Variants in BCLAF1 observed in about 807,000 individuals in gnomAD.
BCLAF1 encodes bcl-2-associated transcription factor 1.
In BCLAF1, 10 loss-of-function variants were observed where a neutral mutation model predicts 99.5. The ratio of observed to expected loss-of-function variants is 0.10; its 90% CI spans 0.06 to 0.17. The LOEUF is 0.17. Ranked by LOEUF, BCLAF1 falls within the 10% of genes least tolerant of loss-of-function variation. The pLI is 1.00. For synonymous variants in BCLAF1, 255 were observed against 370.9 expected, an observed-to-expected ratio of 0.69 and a Z score of 3.59; for missense variants, 636 against 1,105.8, an observed-to-expected ratio of 0.58 and a Z score of 6.02.
intron 1 of BCLAF1, among the ~76,000 whole-genome samples, chr6:136,284,474 C>T (rs574608885): frequency 1.3e-5 from 2 of 151,948 alleles, no homozygotes; most frequent in Admixed American, 6.6e-5. Context: ...GTAAGTGGTC[C>T]CTGCCTTCCA....
intron 1 of BCLAF1, among the ~76,000 whole-genome samples, chr6:136,288,689 G>A (rs2128495928): frequency 6.6e-6 from 1 of 152,328 alleles, no homozygotes; most frequent in South Asian, 2.1e-4. Flanking sequence ...GTCTGAGGTA[G>A]CAAAGTAGCT....
chr6:136,280,008 A>C (rs1784157919), intron 2 of BCLAF1, 132 bp from the exon 3 acceptor site: 2 of 1,095,500 alleles, frequency 1.8e-6, no homozygotes, highest in East Asian at 6.2e-5. Context: ...ATCCTTTTCA[A>C]ATCAGTATTC....
chr6:136,267,077 T>C lies in BCLAF1; in HGVS notation c.2496A>G (p.Glu832=). The part of the protein sequence containing the change: ...SNTTFQKRPK[E]EEWDPEYTPK... ...GGGTATATTCTGGATCCCATTCCTC[T>C]TCCTTCGGTCTCTTTTGAAAAGTAG... Residue 832 remains glutamate, a synonymous_variant, in exon 11 of 13, where the codon GAA becomes GAG. Coordinates refer to ENST00000531224, the MANE Select transcript of BCLAF1 (RefSeq NM_014739.3). 2 of 1,613,322 alleles carry C rather than the reference T, an allele frequency of 1.2e-6. No individual in the cohort carries two copies. Among genetic ancestry groups the C allele is most frequent in the Non-Finnish European group, 1.7e-6 (2 of 1,179,432 alleles).
chr6:136,276,949 C>A (rs911723477), intron 4 of BCLAF1, among the ~76,000 whole-genome samples: 1 of 152,144 alleles, frequency 6.6e-6, no homozygotes, highest in Non-Finnish European at 1.5e-5. Context: ...ATTACCACTG[C>A]AGTAATTTAA....
intron 1 of BCLAF1, among the ~76,000 whole-genome samples, chr6:136,288,268 A>G (rs772629317): frequency 6.6e-6 from 1 of 152,214 alleles, no homozygotes; most frequent in Non-Finnish European, 1.5e-5. Flanking sequence ...TACCTTTTTT[A>G]AGTGACAAGG....
Position 136,268,235 on chromosome 6 carries a change from T to C in BCLAF1, c.2324A>G (p.Glu775Gly), listed in dbSNP as rs1347361743. Reference protein sequence around the residue: ...EEKESKKEREEEFKTHHEMKE... With the variant: ...EEKESKKEREGEFKTHHEMKE... The stretch of plus-strand genomic sequence containing the variant: ...CATTTCATGGTGAGTTTTAAATTCT[T>C]CTTCTCTTTCCTTCTTACTCTCCTT... The change falls in exon 10 of 13, where the codon GAA (glutamate) becomes GGA (glycine). Residue 775 changes from glutamate to glycine, a missense_variant. Around this residue, in one of 9 missense-constraint regions of BCLAF1, gnomAD observed 180 missense variants for 270.0 expected, o/e 0.67. Coordinates refer to ENST00000531224, the MANE Select transcript of BCLAF1 (RefSeq NM_014739.3). 1.3e-6 allele frequency: 2 copies of C among 1,588,708 alleles called. No homozygotes were observed. The highest frequency in any genetic ancestry group is 1.2e-5 in the South Asian group (1 of 86,776).
In BCLAF1 at chr6:136,272,099, T is replaced by A; in HGVS notation, c.1959-20A>T. On this transcript the variant is annotated intron_variant, in intron 7 of 12. Coordinates refer to ENST00000531224, the MANE Select transcript of BCLAF1 (RefSeq NM_014739.3). Reference sequence around the variant, plus strand: ...ATTCTCCTTAATGTAAAATAAAATATATTTTTAGTCATATTATTAACTTTT... The same window carrying A: ...ATTCTCCTTAATGTAAAATAAAATAAATTTTTAGTCATATTATTAACTTTT... 6.6e-7 allele frequency: 1 copy of A among 1,510,330 alleles called. No homozygotes were observed. Among genetic ancestry groups the A allele is most frequent in the Non-Finnish European group, 9.0e-7 (1 of 1,107,022 alleles). 93.6% of individuals were successfully genotyped at this position (1,510,330 alleles called of 1,614,324 possible). A position where few individuals can be genotyped will look rare whatever the true frequency, so the allele number is the denominator to read the frequency against.
At chr6:136,277,638 C>T (rs370742066) in intron 4 of BCLAF1, among the ~76,000 whole-genome samples, 13 of 152,186 alleles carry the variant, frequency 8.5e-5, no homozygotes, top group African/African-American at 2.9e-4. Context: ...GAGATCCTCC[C>T]GCCTCAGCCT....
At chr6:136,273,968 A>G in intron 6 of BCLAF1, 5 of 1,202,976 alleles carry the variant, frequency 4.2e-6, no homozygotes, top group Non-Finnish European at 5.3e-6. Context: ...CTTACCGCCC[A>G]ATATCCAGCA....
At chr6:136,288,463 C>CAGTAT (rs1785464018) in intron 1 of BCLAF1, among the ~76,000 whole-genome samples, 1 of 152,206 alleles carries the variant, frequency 6.6e-6, no homozygotes, top group African/African-American at 2.4e-5. Flanking sequence ...ACTGCCTGAA[C>CAGTAT]AGTATCCTAA....
chr6:136,264,016 C>A (rs560479748), intron 11 of BCLAF1, among the ~76,000 whole-genome samples: 80 of 152,226 alleles, frequency 5.3e-4, no homozygotes, highest in Non-Finnish European at 9.6e-4. Context: ...ATGCATAAAT[C>A]CTGACCCCAT....
At chr6:136,284,456 G>C (rs951775003) in intron 1 of BCLAF1, among the ~76,000 whole-genome samples, 20 of 152,098 alleles carry the variant, frequency 1.3e-4, no homozygotes, top group South Asian at 2.1e-4. Flanking sequence ...TATAGGAAAT[G>C]TATCTATGTA....
rs1217532137 is a variant in BCLAF1, at chr6:136,276,327, C to T, written c.1198G>A (p.Asp400Asn). 1.3e-5 allele frequency: 20 copies of T among 1,565,702 alleles called. No individual in the cohort carries two copies. Among genetic ancestry groups the T allele is most frequent in the Non-Finnish European group, 1.7e-5 (20 of 1,158,258 alleles). ...GKQKFNDSEG[D>N]DTEETEDYRQ... ...TAATCCTCTGTCTCCTCTGTGTCAT[C>T]CCCTTCTGAATCATTAAACTTTTGT... Residue 400 changes from aspartate (D) to asparagine (N), a missense_variant, in exon 5 of 13, where the codon GAT becomes AAT. This residue lies in a region of BCLAF1 where 186 missense variants were observed against 275.3 expected (regional missense o/e 0.68). Coordinates refer to ENST00000531224, the MANE Select transcript of BCLAF1 (RefSeq NM_014739.3).
At chr6:136,274,761 AC>A (rs1267240998) in intron 6 of BCLAF1, among the ~76,000 whole-genome samples, 1 of 151,994 alleles carries the variant, frequency 6.6e-6, no homozygotes, top group Non-Finnish European at 1.5e-5. Context: ...CAAAAACAAA[AC>A]TTAACCTAAC....
Position 136,261,416 on chromosome 6 carries a change from A to G in BCLAF1, c.2606T>C (p.Phe869Ser). 1 of 1,613,854 alleles carries G rather than the reference A, an allele frequency of 6.2e-7. No individual in the cohort carries two copies. The highest frequency in any genetic ancestry group is 8.5e-7 in the Non-Finnish European group (1 of 1,179,874). Reference protein sequence around the residue: ...WAKRGRGRGTFQRGRGRFNFK... With the variant: ...WAKRGRGRGTSQRGRGRFNFK... Reference sequence around the variant, plus strand: ...GTTAAAGCGCCCTCTGCCACGTTGAAAAGTACCACGACCTCTTCCTCTTTT... The same window carrying G: ...GTTAAAGCGCCCTCTGCCACGTTGAGAAGTACCACGACCTCTTCCTCTTTT... The change falls in exon 12 of 13, where the codon TTT becomes TCT. Residue 869 changes from phenylalanine to serine, a missense_variant. Phe to Ser is a radical substitution (Grantham distance 155). Around this residue, in one of 9 missense-constraint regions of BCLAF1, gnomAD observed 57 missense variants for 116.7 expected, o/e 0.49. Transcript: ENST00000531224.
intron 9 of BCLAF1, 178 bp downstream of exon 9, chr6:136,269,259 T>C: frequency 6.6e-7 from 1 of 1,508,932 alleles, no homozygotes; most frequent in Non-Finnish European, 8.8e-7. Flanking sequence ...CCAAAGTTTT[T>C]GTCCTCATCC....
At chr6:136,266,333 A>G (rs1781711690) in intron 11 of BCLAF1, among the ~76,000 whole-genome samples, 1 of 152,150 alleles carries the variant, frequency 6.6e-6, no homozygotes, top group South Asian at 2.1e-4. Flanking sequence ...CATGACAAAA[A>G]AATGAATACT....
At chr6:136,281,334 T>C (rs968377503) in intron 2 of BCLAF1, among the ~76,000 whole-genome samples, 2 of 152,174 alleles carry the variant, frequency 1.3e-5, no homozygotes, top group Non-Finnish European at 2.9e-5. Flanking sequence ...ATCTGACACC[T>C]TGTAGAACAC....
rs928967638 is a variant in BCLAF1 at position 136,256,778 on chromosome 6, T to G, written c.*4332A>C. On this transcript the variant is annotated 3_prime_UTR_variant, in exon 13 of 13. Coordinates refer to ENST00000531224, the MANE Select transcript of BCLAF1 (RefSeq NM_014739.3). ...GTATCCTGAGAACTCAACAGAAAGTTTAGTTTTCCCTTCTAGTACAAATGA... is the reference window on the plus strand; with the variant it reads ...GTATCCTGAGAACTCAACAGAAAGTGTAGTTTTCCCTTCTAGTACAAATGA... The G allele has an allele frequency of 6.5e-6, 1 of 152,806 alleles. No homozygotes were observed. Among genetic ancestry groups the G allele is most frequent in the African/African-American group, 2.4e-5 (1 of 41,440 alleles). The allele number at this position is 152,806 out of a possible 1,614,324, so 9.5% of individuals were successfully genotyped here.
Sources: gnomAD v4.1 joint callset for allele counts (sites outside exome capture counted in the v4.1 genomes callset) on GRCh38, gnomAD v4.1.1 for gene constraint, gnomAD v4.1.1 regional missense constraint, MANE v1.5 for transcripts, NCBI Gene and HGNC (gene_info 2026-07-23, HGNC 2026-07-21) for gene names.